The following MYO3A variants were observed in gnomAD, a reference collection of about 807,000 sequenced individuals.
The protein encoded by MYO3A is myosin IIIA.
A neutral mutation model predicts 192.7 loss-of-function variants in MYO3A; 180 were observed. The observed-to-expected ratio is 0.93, with a 90% CI of 0.83 to 1.06. The LOEUF (loss-of-function observed/expected upper bound fraction) is 1.06, where lower values mean the gene tolerates loss of function less well. MYO3A is among the 50% of genes least tolerant of loss of function. The pLI is 0.00. For missense variants in MYO3A, 1,896 were observed against 1,905.0 expected, an observed-to-expected ratio of 1.00 and a Z score of 0.09; for synonymous variants, 628 against 645.3, an observed-to-expected ratio of 0.97 and a Z score of 0.41.
At chr10:26,116,479 A>G (rs1293295131) in intron 17 of MYO3A, among the ~76,000 whole-genome samples, 2 of 152,202 alleles carry the variant, frequency 1.3e-5, no homozygotes, top group African/African-American at 4.8e-5. Flanking sequence ...ATTTGCAATG[A>G]GCCTATTTCC....
At position 25,987,750 on chromosome 10, in the gene MYO3A, T is replaced by A. The variant is rs571754912; in HGVS notation, c.304-8740T>A. Among the ~76,000 whole-genome samples the A allele has an allele frequency of 2.4e-4, 37 of 152,148 alleles. 2 individuals are homozygous for A. In the South Asian group the frequency reaches 7.7e-3, roughly 32 times the overall value. Reference sequence around the variant, plus strand: ...CATTGAAAAGGGAATATTTTTACACTCCCATCAACACCACTATGGAACCAC... The same window carrying A: ...CATTGAAAAGGGAATATTTTTACACACCCATCAACACCACTATGGAACCAC... On this transcript the variant is annotated intron_variant, in intron 4 of 34. Coordinates refer to ENST00000642920, the MANE Select transcript of MYO3A (RefSeq NM_017433.5).
intron 23 of MYO3A, among the ~76,000 whole-genome samples, chr10:26,148,783 GT>G (rs1007029675): frequency 6.6e-6 from 1 of 152,174 alleles, no homozygotes; most frequent in South Asian, 2.1e-4. Context: ...TGAAATTCTG[GT>G]TTTTGCCAGT....
intron 10 of MYO3A, among the ~76,000 whole-genome samples, chr10:26,060,844 T>C (rs1339520171): frequency 2.0e-5 from 3 of 152,318 alleles, no homozygotes; most frequent in Admixed American, 1.3e-4. Context: ...TATCCAAACC[T>C]CAAACATTCA....
At chr10:26,010,767 TCACTAAGTAGTTTTTAATC>T (rs1305734537) in intron 6 of MYO3A, among the ~76,000 whole-genome samples, 1 of 152,208 alleles carries the variant, frequency 6.6e-6, no homozygotes, top group East Asian at 1.9e-4. Context: ...CCGCCAAGAT[TCACTAAGTAGTTTTTAATC>T]CAAAAGTAAT....
intron 4 of MYO3A, among the ~76,000 whole-genome samples, chr10:25,971,316 C>T (rs1838626326): frequency 6.6e-6 from 1 of 152,066 alleles, no homozygotes; most frequent in Non-Finnish European, 1.5e-5. Flanking sequence ...GTAGGCCCAA[C>T]AATACAATTA....
At chr10:26,200,018 T>C (rs1420167648) in intron 32 of MYO3A, among the ~76,000 whole-genome samples, 1 of 152,194 alleles carries the variant, frequency 6.6e-6, no homozygotes, top group Non-Finnish European at 1.5e-5. Flanking sequence ...GGCAATGTAA[T>C]TATTTGTAAG....
chr10:25,964,588 G>A (rs1218505408), intron 4 of MYO3A, among the ~76,000 whole-genome samples: 1 of 151,906 alleles, frequency 6.6e-6, no homozygotes, highest in Admixed American at 6.6e-5. Flanking sequence ...ATTTTTGATT[G>A]GTTCATCATT....
chr10:26,171,143 C>G (rs1842027151), intron 29 of MYO3A, among the ~76,000 whole-genome samples: 2 of 152,094 alleles, frequency 1.3e-5, no homozygotes, highest in African/African-American at 2.4e-5. Context: ...AAAGGGTACA[C>G]TGGGGGCAAG....
At chr10:25,998,105 T>TATAGATAAAG (rs1281358245) in intron 6 of MYO3A, among the ~76,000 whole-genome samples, 8 of 152,196 alleles carry the variant, frequency 5.3e-5, no homozygotes, top group Admixed American at 2.0e-4. Flanking sequence ...ATTTGGTCTT[T>TATAGATAAAG]ATAGATAAAG....
intron 32 of MYO3A, chr10:26,200,753 C>T (rs1296786686): frequency 6.6e-6 from 1 of 152,248 alleles, no homozygotes; most frequent in Non-Finnish European, 1.5e-5. Flanking sequence ...TGTGCTGCTA[C>T]ATTTATGTCA....
intron 20 of MYO3A, among the ~76,000 whole-genome samples, chr10:26,134,906 T>A (rs1457790793): frequency 6.6e-6 from 1 of 152,176 alleles, no homozygotes; most frequent in Non-Finnish European, 1.5e-5. Flanking sequence ...AGAGTTCTTT[T>A]ACTAAAATAC....
chr10:26,009,854 T>C (rs72789943), intron 6 of MYO3A, among the ~76,000 whole-genome samples: 6,653 of 152,286 alleles, frequency 0.044, 181 homozygotes, highest in Non-Finnish European at 0.065. Context: ...GAACTTTAAG[T>C]TAATAGAAAT....
chr10:26,099,002 C>G (rs1441028802), intron 17 of MYO3A, among the ~76,000 whole-genome samples: 1 of 152,136 alleles, frequency 6.6e-6, no homozygotes, highest in Non-Finnish European at 1.5e-5. Flanking sequence ...TTACCTTGAG[C>G]AATATGGCCA....
intron 20 of MYO3A, among the ~76,000 whole-genome samples, chr10:26,137,655 G>C (rs534298738): frequency 8.7e-4 from 132 of 152,306 alleles, no homozygotes; most frequent in African/African-American, 3.0e-3. Flanking sequence ...TTCTTGCAGA[G>C]AGCCTATAAA....
intron 17 of MYO3A, among the ~76,000 whole-genome samples, chr10:26,112,842 T>TA (rs1462973602): frequency 6.6e-6 from 1 of 152,238 alleles, no homozygotes; most frequent in Non-Finnish European, 1.5e-5. Context: ...GCCATAGTTT[T>TA]AAAATAAATG....
Position 26,055,690 on chromosome 10 carries a change from G to T in MYO3A, c.954-11285G>T, listed in dbSNP as rs563155034. Among the ~76,000 whole-genome samples the T allele has an allele frequency of 7.2e-5, 11 of 152,254 alleles. No homozygotes were observed. The South Asian group carries it at 2.3e-3, about 32-fold the overall frequency. On this transcript the variant is annotated intron_variant, in intron 10 of 34. Transcript: ENST00000642920. ...AGGAAAAAGTGCCATTTAAAAATAT[G>T]GCAGAGCATTCTGTTCCTTTTAACA... is the stretch of plus-strand genomic sequence containing the variant.
chr10:26,021,531 C>A lies in MYO3A; in HGVS notation c.614C>A (p.Thr205Asn). Residue 205 changes from threonine (T) to asparagine (N), a missense_variant, in exon 8 of 35, where the codon ACC becomes AAC. Transcript: ENST00000642920. ...ATTGCATGTGAACAGCAATTGGATACCACTTATGACGCCAGATGTGACACT... is the reference window on the plus strand; with the variant it reads ...ATTGCATGTGAACAGCAATTGGATAACACTTATGACGCCAGATGTGACACT... ...EVIACEQQLD[T>N]TYDARCDTWS... is the part of the protein sequence containing the mutation. 2 of 1,614,090 alleles carry A rather than the reference C, an allele frequency of 1.2e-6. No homozygotes were observed. The highest frequency in any genetic ancestry group is 1.7e-6 in the Non-Finnish European group (2 of 1,179,982).
intron 10 of MYO3A, among the ~76,000 whole-genome samples, chr10:26,044,129 A>G (rs1199614922): frequency 6.6e-6 from 1 of 152,188 alleles, no homozygotes; most frequent in Non-Finnish European, 1.5e-5. Context: ...GGGCCTTGAA[A>G]GGGGACCTCA....
intron 4 of MYO3A, among the ~76,000 whole-genome samples, chr10:25,955,854 TC>T (rs760981051): frequency 1.3e-4 from 20 of 152,224 alleles, no homozygotes; most frequent in Non-Finnish European, 2.2e-4. Flanking sequence ...TTTGAATGTT[TC>T]ATTGCTTTTC....
Sources: allele counts gnomAD v4.1 joint callset (sites outside exome capture counted in the v4.1 genomes callset), GRCh38; gene constraint gnomAD v4.1.1; transcripts MANE v1.5; gene names NCBI Gene and HGNC (gene_info 2026-07-23, HGNC 2026-07-21).